WBP2NL: variants seen among roughly 807,000 people sequenced by gnomAD.
WBP2NL encodes the protein postacrosomal sheath WW domain-binding protein.
A neutral mutation model predicts 23.3 loss-of-function variants in WBP2NL; 27 were observed. The observed-to-expected ratio is 1.16, with a 90% CI of 0.85 to 1.60. The LOEUF (loss-of-function observed/expected upper bound fraction) is 1.60, where lower values mean the gene tolerates loss of function less well. Ranked by LOEUF, WBP2NL falls within the 40% of genes most tolerant of loss-of-function variation. The probability of loss-of-function intolerance (pLI) is 0.00; values close to 1 mark genes in which losing one functional copy is unlikely to be tolerated. For missense variants in WBP2NL, 370 were observed against 389.5 expected (o/e 0.95, Z 0.42); for synonymous variants, 151 against 145.9 (o/e 1.03, Z -0.25).
intron 5 of WBP2NL, among the ~76,000 whole-genome samples, chr22:42,024,793 T>A (rs1450830958): frequency 1.4e-5 from 2 of 146,266 alleles, no homozygotes. Context: ...TTTCACATTC[T>A]TGATAATGAC....
intron 5 of WBP2NL, among the ~76,000 whole-genome samples, chr22:42,025,245 GT>G (rs1431526729): frequency 6.6e-6 from 1 of 152,174 alleles, no homozygotes; most frequent in Non-Finnish European, 1.5e-5. Flanking sequence ...GCATTTTATA[GT>G]TTTAGCTCTT....
At chr22:42,034,627 C>T (rs1468761414), downstream of WBP2NL, among the ~76,000 whole-genome samples, 1 of 152,142 alleles carries the variant, frequency 6.6e-6, no homozygotes, top group African/African-American at 2.4e-5. Context: ...GCGGGAATTT[C>T]CTCTTCCTAA....
Position 42,027,029 on chromosome 22 carries a change from G to A in WBP2NL, c.778G>A (p.Gly260Arg). Reference protein sequence around the residue: ...LGYGAPPLGYGAPPAGNEGPP... With the variant: ...LGYGAPPLGYRAPPAGNEGPP... ...ATATGGAGCCCCACCTCTCGGATAT[G>A]GAGCCCCACCTGCAGGAAATGAAGG... The change falls in exon 6 of 6, where the codon GGA becomes AGA. Residue 260 changes from glycine to arginine, a missense_variant. Transcript: ENST00000328823. The A allele has an allele frequency of 6.2e-7, 1 of 1,614,056 alleles. No individual in the cohort carries two copies. Among genetic ancestry groups the A allele is most frequent in the Non-Finnish European group, 8.5e-7 (1 of 1,179,942 alleles).
chr22:42,057,901 A>ATCT (rs1569456296), intron 8 of WBP2NL, among the ~76,000 whole-genome samples: 1 of 18,224 alleles, frequency 5.5e-5, no homozygotes, highest in Non-Finnish European at 8.7e-5. Context: ...ATATATATAT[A>ATCT]TTTTTTTTTT....
rs748396565 is a variant in WBP2NL, at chr22:42,027,018, C to T, written c.767C>T (p.Pro256Leu). Residue 256 changes from proline to leucine, a missense_variant, in exon 6 of 6, where the codon CCT becomes CTT. Physicochemically the swap from Pro to Leu is moderately conservative, Grantham distance 98. Coordinates refer to ENST00000328823, the MANE Select transcript of WBP2NL (RefSeq NM_152613.3). ...CCACCTCTCGGATATGGAGCCCCAC[C>T]TCTCGGATATGGAGCCCCACCTGCA... ...GTPPLGYGAP[P>L]LGYGAPPAGN... is the part of the protein sequence containing the mutation. 42 of 1,613,426 alleles carry T rather than the reference C, an allele frequency of 2.6e-5. No homozygotes were observed. In the Admixed American group the frequency reaches 7.0e-4, roughly 27 times the overall value.
At chr22:42,034,004 T>C (rs1192110375), downstream of WBP2NL, among the ~76,000 whole-genome samples, 1 of 152,202 alleles carries the variant, frequency 6.6e-6, no homozygotes, top group African/African-American at 2.4e-5. Flanking sequence ...CAGGAACCTG[T>C]CTGCCTCCTT....
At chr22:42,000,597 G>C (rs1028412956) in intron 1 of WBP2NL, among the ~76,000 whole-genome samples, 2 of 152,126 alleles carry the variant, frequency 1.3e-5, no homozygotes, top group Non-Finnish European at 2.9e-5. Context: ...CCAGTGAATA[G>C]TTGCCACTGA....
intron 4 of WBP2NL, among the ~76,000 whole-genome samples, chr22:42,020,903 TATATA>T (rs1442107457): frequency 2.0e-4 from 12 of 58,840 alleles, no homozygotes; most frequent in African/African-American, 5.5e-4. Context: ...TATATATATA[TATATA>T]TTTTTTTTTT....
downstream of WBP2NL, chr22:42,032,275 CT>C (rs1924998887): frequency 1.3e-5 from 2 of 152,506 alleles, no homozygotes; most frequent in African/African-American, 4.8e-5. Context: ...TTAGGTAGGG[CT>C]TAGAACCAGG....
chr22:42,039,001 G>A (rs921189015), intron 8 of WBP2NL, among the ~76,000 whole-genome samples: 2 of 151,816 alleles, frequency 1.3e-5, no homozygotes, highest in Non-Finnish European at 2.9e-5. Flanking sequence ...AATCTCCTGG[G>A]CTCAGGTGAT....
At chr22:42,039,701 TC>T (rs1225247007) in intron 8 of WBP2NL, among the ~76,000 whole-genome samples, 1 of 152,150 alleles carries the variant, frequency 6.6e-6, no homozygotes, top group Non-Finnish European at 1.5e-5. Context: ...ATGTCTCCTC[TC>T]TTATTTATGA....
intron 1 of WBP2NL, chr22:42,000,934 A>G (rs1268953129): frequency 5.8e-6 from 2 of 342,932 alleles, no homozygotes; most frequent in Non-Finnish European, 1.1e-5. Flanking sequence ...TGGAGGTTGC[A>G]GTGAGCCGAG....
chr22:42,022,152 G>C, intron 4 of WBP2NL, 97 bp from the exon 5 acceptor site: 1 of 977,134 alleles, frequency 1.0e-6, no homozygotes, highest in Non-Finnish European at 1.6e-6. Flanking sequence ...ACACATGTAA[G>C]GTGGTGATTA....
At chr22:42,056,219 A>T (rs1194024281) in intron 8 of WBP2NL, among the ~76,000 whole-genome samples, 1 of 152,154 alleles carries the variant, frequency 6.6e-6, no homozygotes, top group East Asian at 1.9e-4. Context: ...ATTACCATTA[A>T]CATCTTATTC....
intron 1 of WBP2NL, chr22:42,001,793 C>G: frequency 1.6e-6 from 2 of 1,215,240 alleles, no homozygotes; most frequent in Non-Finnish European, 1.2e-6. Flanking sequence ...GAATACAGAC[C>G]ATGCAGTCTC....
chr22:42,032,829 T>C, downstream of WBP2NL: 1 of 383,576 alleles, frequency 2.6e-6, no homozygotes, highest in Non-Finnish European at 5.3e-6. Context: ...TGACCAGCAG[T>C]TTGATTAGTT....
At chr22:42,008,826 T>G (rs1278057122) in intron 1 of WBP2NL, among the ~76,000 whole-genome samples, 3 of 152,166 alleles carry the variant, frequency 2.0e-5, no homozygotes, top group African/African-American at 7.2e-5. Flanking sequence ...TTGCCCAGGC[T>G]GGAGTGCAGT....
intron 5 of WBP2NL, among the ~76,000 whole-genome samples, chr22:42,023,878 A>G (rs1208374459): frequency 6.6e-6 from 1 of 151,962 alleles, no homozygotes; most frequent in Non-Finnish European, 1.5e-5. Flanking sequence ...TCCTGGGCTC[A>G]AGCAAGTCTA....
At chr22:42,032,717 G>A (rs1396942637), downstream of WBP2NL, 2 of 469,202 alleles carry the variant, frequency 4.3e-6, no homozygotes, top group South Asian at 3.1e-5. Flanking sequence ...GAAGAGGGTG[G>A]GGCAGACAAC....
Sources: allele counts gnomAD v4.1 joint callset (sites outside exome capture counted in the v4.1 genomes callset), GRCh38; gene constraint gnomAD v4.1.1; transcripts MANE v1.5; gene names NCBI Gene and HGNC (gene_info 2026-07-23, HGNC 2026-07-21).